EEF1E1: variants seen among roughly 807,000 people sequenced by gnomAD.
EEF1E1 encodes eukaryotic translation elongation factor 1 epsilon 1, also known as eukaryotic translation elongation factor 1 epsilon-1.
EEF1E1 carries 19 observed loss-of-function variants against 19.9 expected under a neutral mutation model. That is an observed-to-expected ratio of 0.95 (90% CI 0.66 to 1.40). The LOEUF (loss-of-function observed/expected upper bound fraction) is 1.40, where lower values mean the gene tolerates loss of function less well. Ranked by LOEUF, EEF1E1 falls within the 40% of genes most tolerant of loss-of-function variation. EEF1E1 has a pLI of 0.00. For missense variants in EEF1E1, 198 were observed against 202.2 expected, an observed-to-expected ratio of 0.98 and a Z score of 0.13; for synonymous variants, 81 against 80.0, an observed-to-expected ratio of 1.01 and a Z score of -0.07.
chr6:8,100,715 G>A (rs1758324726), intron 1 of EEF1E1, among the ~76,000 whole-genome samples: 1 of 151,798 alleles, frequency 6.6e-6, no homozygotes, highest in African/African-American at 2.4e-5. Flanking sequence ...CTTGCCTGTT[G>A]CACTCTTGCA....
chr6:8,099,402 G>A (rs1448836164), intron 1 of EEF1E1, among the ~76,000 whole-genome samples: 3 of 152,164 alleles, frequency 2.0e-5, no homozygotes, highest in Non-Finnish European at 4.4e-5. Flanking sequence ...GGAGCAATAG[G>A]CTATATCATA....
downstream of EEF1E1, among the ~76,000 whole-genome samples, chr6:8,075,639 C>T (rs897364283): frequency 3.9e-5 from 6 of 152,154 alleles, no homozygotes; most frequent in Non-Finnish European, 8.8e-5. Flanking sequence ...AGGGTTTTGC[C>T]TCCATGTCAA....
intron 2 of EEF1E1, among the ~76,000 whole-genome samples, chr6:8,096,673 T>G (rs756959397): frequency 9.2e-5 from 14 of 152,202 alleles, no homozygotes; most frequent in Non-Finnish European, 1.2e-4. Context: ...TCTTTTTATA[T>G]AAATAAATTA....
Position 8,092,868 on chromosome 6 carries a change from G to GTTGTTTTTTTTTTTTTTT in EEF1E1, c.289-2588_289-2587insAAAAAAAAAAAAAAACAA, listed in dbSNP as rs1554099258. 1.8e-5 allele frequency among the ~76,000 whole-genome samples: 2 copies of GTTGTTTTTTTTTTTTTTT among 108,202 alleles called. 1 individual carries two copies. The highest frequency in any genetic ancestry group is 3.7e-5 in the Non-Finnish European group (2 of 53,752). The allele number at this position is 108,202 out of a possible 152,430, so 71.0% of individuals were successfully genotyped here. A position where few individuals can be genotyped will look rare whatever the true frequency, so the allele number is the denominator to read the frequency against. On this transcript the variant is annotated intron_variant, in intron 2 of 3. Coordinates refer to ENST00000379715, the MANE Select transcript of EEF1E1 (RefSeq NM_004280.5). ...GTTTTGTGTTTTAGTGATAAAGACT[G>GTTGTTTTTTTTTTTTTTT]CTTTTTTTTTTTTTTTTTTTTTTTG...
intron 1 of EEF1E1, 141 bp from the exon 2 acceptor site, chr6:8,097,608 T>C (rs1318732985): frequency 1.4e-5 from 9 of 654,048 alleles, no homozygotes; most frequent in Non-Finnish European, 2.3e-5. Flanking sequence ...TACATACAAA[T>C]GAAAGTCTAG....
downstream of EEF1E1, chr6:8,078,499 C>T (rs1040970905): frequency 5.5e-5 from 17 of 306,808 alleles, no homozygotes; most frequent in African/African-American, 2.7e-4. Context: ...GTGAGAATTA[C>T]CAAAATGTGA....
intron 2 of EEF1E1, among the ~76,000 whole-genome samples, chr6:8,093,324 CTTTT>C (rs57000456): frequency 0.064 from 8,662 of 135,024 alleles, 352 homozygotes; most frequent in Non-Finnish European, 0.09. Flanking sequence ...CATTCGCTTC[CTTTT>C]TTTTTTTTTT....
chr6:8,074,257 A>C (rs957087622), intron 3 of EEF1E1, among the ~76,000 whole-genome samples: 2 of 152,228 alleles, frequency 1.3e-5, no homozygotes, highest in Non-Finnish European at 2.9e-5. Flanking sequence ...TGAGAAAAAA[A>C]CAACCCACCC....
In EEF1E1 at chr6:8,097,411, T is replaced by G; in HGVS notation, c.144A>C (p.Ala48=). 6.2e-7 allele frequency: 1 copy of G among 1,614,148 alleles called. No homozygotes were observed. Among genetic ancestry groups the G allele is most frequent in the Non-Finnish European group, 8.5e-7 (1 of 1,180,016 alleles). Residue 48 remains alanine, a synonymous_variant, in exon 2 of 4, where the codon GCA becomes GCC. Coordinates refer to ENST00000379715, the MANE Select transcript of EEF1E1 (RefSeq NM_004280.5). ...TGTTGGCTTGCTTGACTAGATGAGC[T>G]GCTATAGTAGTCAATCCTGTTAGAC... ...GPSLTGLTTI[A]AHLVKQANKE... is the part of the protein sequence containing the mutation.
chr6:8,073,427 G>T, exon 4 of EEF1E1: 1 of 1,550,374 alleles, frequency 6.5e-7, no homozygotes. Flanking sequence ...CCAGACATTT[G>T]TGTTTGAATC....
In EEF1E1 at chr6:8,079,670, T is replaced by C; in HGVS notation, c.*220A>G. ...AAAACAAGGTTAATTTATAACTGGA[T>C]CTCAACTTGTTTAATAGCAATTGAA... is the stretch of plus-strand genomic sequence containing the variant. On this transcript the variant is annotated 3_prime_UTR_variant, in exon 4 of 4. Coordinates refer to ENST00000379715, the MANE Select transcript of EEF1E1 (RefSeq NM_004280.5). The C allele has an allele frequency of 1.6e-6, 2 of 1,226,440 alleles. No homozygotes were observed. The highest frequency in any genetic ancestry group is 1.5e-5 in the African/African-American group (1 of 65,824). The allele number at this position is 1,226,440 out of a possible 1,614,324, so 76.0% of individuals were successfully genotyped here.
intron 2 of EEF1E1, 56 bp downstream of exon 2, chr6:8,097,209 GAA>G: frequency 6.5e-7 from 1 of 1,527,622 alleles, no homozygotes; most frequent in Non-Finnish European, 9.1e-7. Context: ...AATCTCAGGG[GAA>G]AGAGATTTCT....
Position 8,079,833 on chromosome 6 carries a change from A to ATG in EEF1E1, c.*56_*57insCA. 1 of 1,571,936 alleles carries ATG rather than the reference A, an allele frequency of 6.4e-7. No homozygotes were observed. Among genetic ancestry groups the ATG allele is most frequent in the Non-Finnish European group, 8.6e-7 (1 of 1,156,326 alleles). On this transcript the variant is annotated 3_prime_UTR_variant, in exon 4 of 4. Coordinates refer to ENST00000379715, the MANE Select transcript of EEF1E1 (RefSeq NM_004280.5). Reference sequence around the variant, plus strand: ...AATTTACATTAGTCCTGTGGTCTAGAGTACATTTTCCATTTAAAACATTTT... The same window carrying ATG: ...AATTTACATTAGTCCTGTGGTCTAGATGGTACATTTTCCATTTAAAACATTTT...
intron 3 of EEF1E1, among the ~76,000 whole-genome samples, chr6:8,084,071 C>A (rs1219296697): frequency 6.6e-6 from 1 of 152,108 alleles, no homozygotes; most frequent in Non-Finnish European, 1.5e-5. Context: ...ATGATAGGAA[C>A]CCAAAAGGAT....
downstream of EEF1E1, among the ~76,000 whole-genome samples, chr6:8,079,156 T>C (rs909822506): frequency 2.0e-5 from 3 of 152,226 alleles, no homozygotes; most frequent in African/African-American, 7.2e-5. Context: ...AATCTAGTAA[T>C]TAAAAATTCA....
intron 2 of EEF1E1, among the ~76,000 whole-genome samples, chr6:8,093,756 A>C (rs1758087145): frequency 6.6e-6 from 1 of 151,904 alleles, no homozygotes. Context: ...GCTAATAAGC[A>C]GTATGAAAAC....
At chr6:8,078,804 T>C (rs1228830309), downstream of EEF1E1, 1 of 1,223,098 alleles carries the variant, frequency 8.2e-7, no homozygotes, top group African/African-American at 1.6e-5. Flanking sequence ...GCTTTTTTCT[T>C]CATGTTGTCT....
intron 3 of EEF1E1, among the ~76,000 whole-genome samples, chr6:8,087,616 G>A (rs762782970): frequency 1.3e-5 from 2 of 152,258 alleles, no homozygotes; most frequent in Non-Finnish European, 2.9e-5. Context: ...GCCTCCCAAA[G>A]TGCTGGGATT....
intron 1 of EEF1E1, among the ~76,000 whole-genome samples, chr6:8,099,169 T>C (rs1051797993): frequency 6.6e-6 from 1 of 152,258 alleles, no homozygotes; most frequent in Non-Finnish European, 1.5e-5. Context: ...AAGTAATGAC[T>C]TTTAATGGCT....
Sources: allele counts gnomAD v4.1 joint callset (sites outside exome capture counted in the v4.1 genomes callset), GRCh38; gene constraint gnomAD v4.1.1; transcripts MANE v1.5; gene names NCBI Gene and HGNC (gene_info 2026-07-23, HGNC 2026-07-21).